NBAS: variants seen among roughly 807,000 people sequenced by gnomAD.
NBAS encodes NAG/BC035112 fusion.
A neutral mutation model predicts 302.5 loss-of-function variants in NBAS; 219 were observed. The observed-to-expected ratio is 0.72, with a 90% confidence interval of 0.65 to 0.81. The LOEUF is 0.81. NBAS is among the 30% of genes least tolerant of loss of function. The pLI is 0.00. For synonymous variants in NBAS, 1,118 were observed against 1,021.6 expected (o/e 1.09, Z -1.80); for missense variants, 2,932 against 2,841.6 (o/e 1.03, Z -0.72).
chr2:15,338,503 A>G (rs1335769398), intron 35 of NBAS, among the ~76,000 whole-genome samples: 2 of 152,182 alleles, frequency 1.3e-5, no homozygotes, highest in East Asian at 1.9e-4. Flanking sequence ...AAATCACTCT[A>G]AAGTCTGACT....
intron 21 of NBAS, among the ~76,000 whole-genome samples, chr2:15,437,130 G>A (rs947116380): frequency 4.6e-5 from 7 of 151,870 alleles, no homozygotes; most frequent in Non-Finnish European, 7.4e-5. Context: ...CAACAACAAT[G>A]CAATGTTCTA....
At chr2:15,195,894 C>A (rs1248374564) in intron 48 of NBAS, among the ~76,000 whole-genome samples, 2 of 152,210 alleles carry the variant, frequency 1.3e-5, no homozygotes, top group Non-Finnish European at 2.9e-5. Flanking sequence ...GCGCACACAG[C>A]CCCTTCCAAG....
chr2:15,401,783 GAAAT>G (rs993373015), intron 26 of NBAS, among the ~76,000 whole-genome samples: 14 of 151,920 alleles, frequency 9.2e-5, no homozygotes, highest in African/African-American at 3.4e-4. Context: ...AGGCCAAGAA[GAAAT>G]AATTCATAGA....
At chr2:15,511,174 G>A (rs1469185491) in intron 10 of NBAS, 38 bp downstream of exon 10, 2 of 1,612,756 alleles carry the variant, frequency 1.2e-6, no homozygotes, top group Non-Finnish European at 1.7e-6. Context: ...ACAGTGAAAT[G>A]ACACATAGCA....
Position 15,308,306 on chromosome 2 carries a change from T to C in NBAS, c.4707A>G (p.Leu1569=). 6.2e-7 allele frequency: 1 copy of C among 1,614,176 alleles called. No individual in the cohort carries two copies. Residue 1569 remains leucine, a synonymous_variant, in exon 40 of 52, where the codon TTA becomes TTG. Transcript: ENST00000281513. ...AGTAATACGCTGCCAGCTGGAGAGA[T>C]AATGCAGAGGGGGACTGCTTTTCAA... ...RCFEKQSPSA[L]SLQLAAYYYS...
intron 44 of NBAS, among the ~76,000 whole-genome samples, chr2:15,249,621 G>A (rs1342485138): frequency 6.6e-6 from 1 of 152,146 alleles, no homozygotes; most frequent in Non-Finnish European, 1.5e-5. Context: ...CAAAGTCTCA[G>A]GATACAAATC....
chr2:15,439,810 G>A (rs1678253795), intron 21 of NBAS, among the ~76,000 whole-genome samples: 1 of 152,198 alleles, frequency 6.6e-6, no homozygotes. Flanking sequence ...CACGAATACT[G>A]CGCTTTTCCA....
At chr2:15,020,763 T>G in the NBAS span, among the ~76,000 whole-genome samples, 1 of 152,302 alleles carries the variant, frequency 6.6e-6, no homozygotes, top group South Asian at 2.1e-4. Context: ...CTCCTTTATT[T>G]TGAGGCATCC....
the NBAS span, among the ~76,000 whole-genome samples, chr2:14,912,703 T>TAAAAAAA: frequency 0.12 from 8,951 of 74,526 alleles, 408 homozygotes; most frequent in Non-Finnish European, 0.19. Flanking sequence ...CATTCATTTT[T>TAAAAAAA]AAAAAAAAAA....
chr2:15,509,394 C>T (rs572531090), intron 10 of NBAS, among the ~76,000 whole-genome samples: 1 of 151,920 alleles, frequency 6.6e-6, no homozygotes, highest in African/African-American at 2.4e-5. Flanking sequence ...GGTAGATGGA[C>T]AATAAATGGA....
At chr2:15,473,918 TAA>T in intron 15 of NBAS, 147 bp downstream of exon 15, 1 of 983,360 alleles carries the variant, frequency 1.0e-6, no homozygotes, top group Non-Finnish European at 1.5e-6. Context: ...AGCATTATTT[TAA>T]AAAGCTTTAT....
Position 15,473,343 on chromosome 2 carries a change from T to C in NBAS, c.1604A>G (p.Glu535Gly), listed in dbSNP as rs1477765706. The stretch of plus-strand genomic sequence containing the variant: ...CAAGGCTTCCTCATACTCTTCACTT[T>C]CAATCTTCAGATAAAAACACGAGGA... ...TPEELYQRKI[E>G]SEEYEEALSL... is the part of the protein sequence containing the mutation. Residue 535 changes from glutamate to glycine, a missense_variant, in exon 16 of 52, where the codon GAA becomes GGA. Coordinates refer to ENST00000281513, the MANE Select transcript of NBAS (RefSeq NM_015909.4). The C allele has an allele frequency of 1.2e-6, 2 of 1,613,800 alleles. No homozygotes were observed. The highest frequency in any genetic ancestry group is 1.1e-5 in the South Asian group (1 of 91,054).
the NBAS span, among the ~76,000 whole-genome samples, chr2:15,041,237 G>A: frequency 6.6e-6 from 1 of 152,190 alleles, no homozygotes; most frequent in African/African-American, 2.4e-5. Flanking sequence ...AGTCCCATGG[G>A]GGAGGCTCAA....
chr2:15,530,265 A>C (rs1005802692), intron 9 of NBAS, among the ~76,000 whole-genome samples: 2 of 152,032 alleles, frequency 1.3e-5, no homozygotes, highest in African/African-American at 4.8e-5. Context: ...AACCCTCAAA[A>C]CACCCTGGGG....
chr2:15,513,636 T>C (rs1282665609), intron 9 of NBAS, among the ~76,000 whole-genome samples: 1 of 147,590 alleles, frequency 6.8e-6, no homozygotes, highest in Non-Finnish European at 1.5e-5. Flanking sequence ...CACACACACA[T>C]AATCAAAGCA....
intron 19 of NBAS, among the ~76,000 whole-genome samples, chr2:15,463,431 C>A (rs1679590500): frequency 6.6e-6 from 1 of 152,070 alleles, no homozygotes; most frequent in Non-Finnish European, 1.5e-5. Flanking sequence ...CTGTGATCAC[C>A]GCTCCTAATC....
chr2:15,441,873 C>T (rs1678432204), intron 21 of NBAS, among the ~76,000 whole-genome samples: 1 of 151,416 alleles, frequency 6.6e-6, no homozygotes, highest in Admixed American at 6.6e-5. Flanking sequence ...TCTGATAAAA[C>T]AGACTTTAAA....
chr2:15,186,531 A>G (rs1340539803), intron 50 of NBAS, among the ~76,000 whole-genome samples: 1 of 152,164 alleles, frequency 6.6e-6, no homozygotes, highest in Admixed American at 6.5e-5. Context: ...TGGAACTTGT[A>G]CAGGAAACGC....
chr2:14,908,444 C>A, the NBAS span, among the ~76,000 whole-genome samples: 7 of 152,158 alleles, frequency 4.6e-5, no homozygotes, highest in South Asian at 1.5e-3. Flanking sequence ...CTTCTGAGAG[C>A]CCCAAAAGCT....
Sources: gnomAD v4.1 joint callset for allele counts (sites outside exome capture counted in the v4.1 genomes callset) on GRCh38, gnomAD v4.1.1 for gene constraint, MANE v1.5 for transcripts, NCBI Gene and HGNC (gene_info 2026-07-23, HGNC 2026-07-21) for gene names.